LINGO2: variants seen among roughly 807,000 people sequenced by gnomAD.
LINGO2 encodes the protein leucine-rich repeat and immunoglobulin-like domain-containing nogo receptor-interacting protein 2.
Under a neutral mutation model 30.6 loss-of-function variants are expected in LINGO2, and 14 were observed. The observed-to-expected ratio is 0.46, with a 90% CI of 0.30 to 0.72. The LOEUF (loss-of-function observed/expected upper bound fraction) is 0.72, where lower values mean the gene tolerates loss of function less well. Ranked by LOEUF, LINGO2 falls within the 30% of genes least tolerant of loss-of-function variation. The pLI is 0.07. For synonymous variants in LINGO2, 317 were observed against 288.5 expected, an observed-to-expected ratio of 1.10 and a Z score of -1.00; for missense variants, 729 against 751.7, an observed-to-expected ratio of 0.97 and a Z score of 0.35.
upstream of LINGO2, among the ~76,000 whole-genome samples, chr9:28,674,375 G>A (rs752474557): frequency 4.6e-5 from 7 of 152,078 alleles, no homozygotes; most frequent in Admixed American, 3.3e-4. Flanking sequence ...CGAAGGAAAC[G>A]ATCTCCCTAG....
intron 3 of LINGO2, among the ~76,000 whole-genome samples, chr9:28,342,991 T>C (rs1819412753): frequency 1.3e-5 from 2 of 152,198 alleles, no homozygotes; most frequent in African/African-American, 2.4e-5. Context: ...GCTGGGTAGA[T>C]AGTGATTTCT....
chr9:28,863,106 T>C, the LINGO2 span, among the ~76,000 whole-genome samples: 1 of 152,090 alleles, frequency 6.6e-6, no homozygotes, highest in Non-Finnish European at 1.5e-5. Flanking sequence ...ATTTGGTATG[T>C]TAAGGTGATT....
chr9:28,393,552 A>G (rs1821920905), intron 2 of LINGO2, among the ~76,000 whole-genome samples: 2 of 152,212 alleles, frequency 1.3e-5, no homozygotes, highest in Admixed American at 1.3e-4. Context: ...CATATTAACA[A>G]CAATATACTG....
At chr9:29,172,917 TAC>T in the LINGO2 span, among the ~76,000 whole-genome samples, 19 of 151,818 alleles carry the variant, frequency 1.3e-4, 1 homozygote, top group African/African-American at 4.6e-4. Context: ...TATACTTACA[TAC>T]ACACACACAC....
chr9:28,593,313 C>A (rs1455088170), intron 1 of LINGO2, among the ~76,000 whole-genome samples: 6 of 152,034 alleles, frequency 3.9e-5, no homozygotes, highest in Non-Finnish European at 7.4e-5. Context: ...ATTACTAATC[C>A]TCACAGCAGC....
chr9:28,417,677 T>C (rs1201827167), intron 2 of LINGO2, among the ~76,000 whole-genome samples: 1 of 152,184 alleles, frequency 6.6e-6, no homozygotes, highest in Non-Finnish European at 1.5e-5. Context: ...CCTAACAAAA[T>C]GCCATTCCTA....
At chr9:28,139,289 G>A (rs181796242) in intron 4 of LINGO2, among the ~76,000 whole-genome samples, 28 of 152,320 alleles carry the variant, frequency 1.8e-4, no homozygotes, top group African/African-American at 6.5e-4. Flanking sequence ...GCTTTCTACA[G>A]CTGTTTAAAA....
the LINGO2 span, among the ~76,000 whole-genome samples, chr9:29,065,914 A>G: frequency 1.3e-5 from 2 of 151,948 alleles, no homozygotes; most frequent in African/African-American, 4.8e-5. Context: ...TTTTTGATTC[A>G]TTATTTTTGT....
the LINGO2 span, among the ~76,000 whole-genome samples, chr9:28,855,820 A>T: frequency 6.6e-6 from 1 of 152,060 alleles, no homozygotes; most frequent in African/African-American, 2.4e-5. Flanking sequence ...CGGTTAAGGC[A>T]ATTCCAGTTT....
intron 3 of LINGO2, among the ~76,000 whole-genome samples, chr9:28,351,269 A>G (rs1276007750): frequency 1.4e-5 from 2 of 145,030 alleles, no homozygotes; most frequent in South Asian, 2.3e-4. Flanking sequence ...TAATAAAGAA[A>G]AAAAGAGAGA....
At chr9:29,052,550 A>T in the LINGO2 span, among the ~76,000 whole-genome samples, 1 of 152,296 alleles carries the variant, frequency 6.6e-6, no homozygotes, top group Middle Eastern at 3.4e-3. Context: ...GTGTTTAAAA[A>T]ATCATGTAAG....
intron 1 of LINGO2, among the ~76,000 whole-genome samples, chr9:28,582,235 T>C (rs1431145253): frequency 2.6e-5 from 4 of 152,088 alleles, no homozygotes; most frequent in African/African-American, 9.7e-5. Flanking sequence ...CTCTAGTAGT[T>C]TGAGAGAAAA....
At chr9:28,135,922 T>A (rs1827504503) in intron 4 of LINGO2, among the ~76,000 whole-genome samples, 1 of 152,222 alleles carries the variant, frequency 6.6e-6, no homozygotes, top group Non-Finnish European at 1.5e-5. Context: ...TTTGTTTTTT[T>A]CCCTTCACTG....
chr9:28,776,796 T>C, the LINGO2 span, among the ~76,000 whole-genome samples: 1 of 151,372 alleles, frequency 6.6e-6, no homozygotes, highest in African/African-American at 2.4e-5. Context: ...AGAGGAAGTA[T>C]AGAGTATATA....
intron 2 of LINGO2, among the ~76,000 whole-genome samples, chr9:28,467,714 TA>T (rs1311857763): frequency 6.6e-6 from 1 of 152,102 alleles, no homozygotes; most frequent in Non-Finnish European, 1.5e-5. Context: ...GGAATTTTTT[TA>T]AAGAAGCCTA....
intron 4 of LINGO2, among the ~76,000 whole-genome samples, chr9:28,170,756 C>G (rs1828558721): frequency 6.6e-6 from 1 of 152,200 alleles, no homozygotes; most frequent in African/African-American, 2.4e-5. Context: ...CCCAGCACCA[C>G]TCCAAACTCT....
At chr9:28,104,266 GT>G (rs74180789) in intron 4 of LINGO2, among the ~76,000 whole-genome samples, 5,466 of 97,554 alleles carry the variant, frequency 0.056, 95 homozygotes, top group African/African-American at 0.12. Context: ...TTTTTTGTTT[GT>G]TTTTTTTTTT....
the LINGO2 span, among the ~76,000 whole-genome samples, chr9:28,699,469 C>A: frequency 6.6e-6 from 1 of 152,146 alleles, no homozygotes; most frequent in South Asian, 2.1e-4. Flanking sequence ...ATCTCAGGAT[C>A]ACTGTGATGA....
At chr9:29,023,449 A>G in the LINGO2 span, among the ~76,000 whole-genome samples, 4 of 152,132 alleles carry the variant, frequency 2.6e-5, no homozygotes, top group African/African-American at 9.6e-5. Flanking sequence ...GAAAAATTAA[A>G]TAATAAATAT....
Sources: allele counts gnomAD v4.1 joint callset (sites outside exome capture counted in the v4.1 genomes callset), GRCh38; gene constraint gnomAD v4.1.1; transcripts MANE v1.5; gene names NCBI Gene and HGNC (gene_info 2026-07-23, HGNC 2026-07-21).